ITPRIPL1: variants seen among roughly 807,000 people sequenced by gnomAD.
ITPRIPL1 encodes the protein ITPRIP like 1.
A neutral mutation model predicts 40.0 loss-of-function variants in ITPRIPL1; 28 were observed. The observed-to-expected ratio is 0.70, with a 90% CI of 0.52 to 0.96. ITPRIPL1 has a LOEUF of 0.96. Ranked by LOEUF, ITPRIPL1 falls within the 40% of genes least tolerant of loss-of-function variation. The probability of loss-of-function intolerance (pLI) is 0.00; values close to 1 mark genes in which losing one functional copy is unlikely to be tolerated. For missense variants in ITPRIPL1, 638 were observed against 698.0 expected, an observed-to-expected ratio of 0.91 and a Z score of 0.97; for synonymous variants, 251 against 275.7, an observed-to-expected ratio of 0.91 and a Z score of 0.89.
intron 1 of ITPRIPL1, 36 bp from the exon 2 acceptor site, chr2:96,325,711 A>G: frequency 1.1e-6 from 1 of 931,704 alleles, no homozygotes; most frequent in Non-Finnish European, 1.7e-6. Flanking sequence ...TTCCGATTTG[A>G]GCCAAAGCCC....
downstream of ITPRIPL1, chr2:96,329,264 G>T (rs2104392712): frequency 7.1e-6 from 1 of 141,438 alleles, no homozygotes; most frequent in South Asian, 2.2e-4. Context: ...TTGTTTTTAT[G>T]CATCTGAAAA....
Position 96,327,441 on chromosome 2 carries a change from ATG to A in ITPRIPL1, c.817_818del (p.Cys273GlnfsTer3), listed in dbSNP as rs778855515. 6.2e-7 allele frequency: 1 copy of A among 1,613,976 alleles called. No homozygotes were observed. The highest frequency in any genetic ancestry group is 2.2e-5 in the East Asian group (1 of 44,874). On this transcript the variant is annotated frameshift_variant, in exon 3 of 3. Transcript: ENST00000439118. LOFTEE classifies it high-confidence loss of function. ...RCGCVLVESECVCKREKLLGD... is the reference protein window; with the variant it reads ...RCGCVLVESEXVCKREKLLGD... ...GTGGCTGTGTGCTGGTGGAGTCAGA[ATG>A]TGTGTGCAAGCGTGAGAAACTCCTA... is the stretch of plus-strand genomic sequence containing the variant.
downstream of ITPRIPL1, chr2:96,329,172 T>C (rs1018656834): frequency 7.6e-6 from 1 of 131,872 alleles, no homozygotes; most frequent in Non-Finnish European, 1.7e-5. Flanking sequence ...TATATATATA[T>C]ATATATATAT....
chr2:96,330,199 G>C (rs967863630), downstream of ITPRIPL1: 34 of 135,020 alleles, frequency 2.5e-4, no homozygotes, highest in African/African-American at 8.7e-4. Flanking sequence ...AGCTATGATA[G>C]TGTCACTGTG....
rs1240767983 is a variant in ITPRIPL1, at chr2:96,327,633, C to T, written c.1002C>T (p.Ala334=). Residue 334 remains alanine, a synonymous_variant, in exon 3 of 3, where the codon GCC becomes GCT. Transcript: ENST00000439118. The part of the protein sequence containing the change: ...NMMGNAWALV[A]HKYDFKLSLP... ...TGGGCAATGCCTGGGCCCTTGTGGCCCACAAGTATGACTTTAAACTCAGTC... is the reference window on the plus strand; with the variant it reads ...TGGGCAATGCCTGGGCCCTTGTGGCTCACAAGTATGACTTTAAACTCAGTC... 6.2e-6 allele frequency: 10 copies of T among 1,611,600 alleles called. No individual in the cohort carries two copies. Among genetic ancestry groups the T allele is most frequent in the Non-Finnish European group, 8.5e-6 (10 of 1,179,108 alleles).
intron 2 of ITPRIPL1, 67 bp from the exon 3 acceptor site, chr2:96,326,575 G>A (rs376658705): frequency 6.2e-7 from 1 of 1,603,328 alleles, no homozygotes; most frequent in Non-Finnish European, 8.5e-7. Flanking sequence ...GGGCTCTGGG[G>A]AATGTGAGCT....
Position 96,328,183 on chromosome 2 carries a change from C to A in ITPRIPL1, c.1552C>A (p.Leu518Ile), listed in dbSNP as rs564795534. The change falls in exon 3 of 3, where the codon CTC becomes ATC. Residue 518 changes from leucine (L) to isoleucine (I), a missense_variant. Physicochemically the swap from Leu to Ile is conservative, Grantham distance 5 (BLOSUM62 2). Transcript: ENST00000439118. ...ATTTAGGAATGCTGAGCCGGTCAAT[C>A]TCTTCCAACACCTGGTGCTCAACCC... ...KTFRNAEPVNLFQHLVLNPKA... is the reference protein window; with the variant it reads ...KTFRNAEPVNIFQHLVLNPKA... 1.9e-5 allele frequency: 30 copies of A among 1,614,166 alleles called. No homozygotes were observed. The South Asian group carries it at 3.2e-4, about 17-fold the overall frequency.
Position 96,326,733 on chromosome 2 carries a change from C to T in ITPRIPL1, c.102C>T (p.Asp34=). ...HHPLMVSDRM[D]LDTLARSRQL... ...CTCTGATGGTCAGTGATCGGATGGA[C>T]CTGGACACATTAGCCAGGAGTCGGC... The change falls in exon 3 of 3, where the codon GAC becomes GAT. Residue 34 remains aspartate (D), a synonymous_variant. Coordinates refer to ENST00000439118, the MANE Select transcript of ITPRIPL1 (RefSeq NM_001008949.3). 1 of 1,614,216 alleles carries T rather than the reference C, an allele frequency of 6.2e-7. No homozygotes were observed. Among genetic ancestry groups the T allele is most frequent in the Non-Finnish European group, 8.5e-7 (1 of 1,180,038 alleles).
Position 96,327,640 on chromosome 2 carries a change from T to A in ITPRIPL1, c.1009T>A (p.Tyr337Asn). Residue 337 changes from tyrosine to asparagine, a missense_variant, in exon 3 of 3, where the codon TAT (tyrosine) becomes AAT (asparagine). By Grantham distance (143) the Tyr-to-Asn change is moderately radical. Coordinates refer to ENST00000439118, the MANE Select transcript of ITPRIPL1 (RefSeq NM_001008949.3). ...TGCCTGGGCCCTTGTGGCCCACAAG[T>A]ATGACTTTAAACTCAGTCTCCCACC... is the stretch of plus-strand genomic sequence containing the variant. ...GNAWALVAHK[Y>N]DFKLSLPPST... The A allele has an allele frequency of 6.2e-7, 1 of 1,612,130 alleles. No homozygotes were observed. Among genetic ancestry groups the A allele is most frequent in the Non-Finnish European group, 8.5e-7 (1 of 1,179,366 alleles).
Position 96,327,429 on chromosome 2 carries a change from G to A in ITPRIPL1, c.798G>A (p.Leu266=). The change falls in exon 3 of 3, where the codon CTG becomes CTA. Residue 266 remains leucine, a synonymous_variant. Transcript: ENST00000439118. ...PALGRRCGCV[L]VESECVCKRE... is the part of the protein sequence containing the mutation. The stretch of plus-strand genomic sequence containing the variant: ...TGGGCCGCCGCTGTGGCTGTGTGCT[G>A]GTGGAGTCAGAATGTGTGTGCAAGC... The A allele has an allele frequency of 6.2e-7, 1 of 1,613,980 alleles. No individual in the cohort carries two copies. Among genetic ancestry groups the A allele is most frequent in the South Asian group, 1.1e-5 (1 of 91,046 alleles).
rs149860299 is a variant in ITPRIPL1, at chr2:96,327,455, G to A, written c.824G>A (p.Arg275His). The A allele has an allele frequency of 2.5e-4, 396 of 1,613,900 alleles. No individual in the cohort carries two copies. Among genetic ancestry groups the A allele is most frequent in the Non-Finnish European group, 3.2e-4 (379 of 1,179,988 alleles). Residue 275 changes from arginine (R) to histidine (H), a missense_variant, in exon 3 of 3, where the codon CGT becomes CAT. Physicochemically the swap from Arg to His is conservative, Grantham distance 29. Transcript: ENST00000439118. ...GTGGAGTCAGAATGTGTGTGCAAGC[G>A]TGAGAAACTCCTAGGGGACGTGCTG... ...VLVESECVCKREKLLGDVLCL... is the reference protein window; with the variant it reads ...VLVESECVCKHEKLLGDVLCL...
Position 96,326,987 on chromosome 2 carries a change from G to C in ITPRIPL1, c.356G>C (p.Cys119Ser). The change falls in exon 3 of 3, where the codon TGC becomes TCC. Residue 119 changes from cysteine to serine, a missense_variant. Transcript: ENST00000439118. ...AACCTGTGGAACACTGGCCTCTTTT[G>C]CCTTTTTCTCGTCTTTGAGCTCCTG... ...LGNLWNTGLF[C>S]LFLVFELLRQ... The C allele has an allele frequency of 6.2e-7, 1 of 1,614,196 alleles. No individual in the cohort carries two copies. Among genetic ancestry groups the C allele is most frequent in the Non-Finnish European group, 8.5e-7 (1 of 1,180,038 alleles).
chr2:96,326,058 C>A, intron 2 of ITPRIPL1: 1 of 1,114,112 alleles, frequency 9.0e-7, no homozygotes, highest in Non-Finnish European at 1.3e-6. Context: ...GGCACCGTAG[C>A]AAGCAGCTGG....
chr2:96,325,727 T>C lies in ITPRIPL1; in HGVS notation c.-93-20T>C, dbSNP rs943227356. On this transcript the variant is annotated intron_variant, in intron 1 of 2. Coordinates refer to ENST00000439118, the MANE Select transcript of ITPRIPL1 (RefSeq NM_001008949.3). Reference sequence around the variant, plus strand: ...TCCGATTTGAGCCAAAGCCCCCAGGTACCTTGTACATTTTAACAGGGCTCC... The same window carrying C: ...TCCGATTTGAGCCAAAGCCCCCAGGCACCTTGTACATTTTAACAGGGCTCC... 3.6e-5 allele frequency: 39 copies of C among 1,092,184 alleles called. No homozygotes were observed. In the African/African-American group the frequency reaches 5.9e-4, roughly 16 times the overall value. 67.7% of individuals were successfully genotyped at this position (1,092,184 alleles called of 1,614,324 possible). A position where few individuals can be genotyped will look rare whatever the true frequency, so the allele number is the denominator to read the frequency against.
chr2:96,326,963 A>G lies in ITPRIPL1; in HGVS notation c.332A>G (p.Asn111Ser), dbSNP rs1297123376. 1 of 1,614,136 alleles carries G rather than the reference A, an allele frequency of 6.2e-7. No homozygotes were observed. Among genetic ancestry groups the G allele is most frequent in the Admixed American group, 1.7e-5 (1 of 60,002 alleles). The change falls in exon 3 of 3, where the codon AAC (asparagine) becomes AGC (serine). Residue 111 changes from asparagine (N) to serine (S), a missense_variant. Physicochemically the swap from Asn to Ser is conservative, Grantham distance 46 (BLOSUM62 1). Coordinates refer to ENST00000439118, the MANE Select transcript of ITPRIPL1 (RefSeq NM_001008949.3). ...QEGPLGWMLG[N>S]LWNTGLFCLF... ...GGGCCTCTGGGCTGGATGCTGGGAA[A>G]CCTGTGGAACACTGGCCTCTTTTGC...
chr2:96,325,710 G>T, intron 1 of ITPRIPL1, 37 bp from the exon 2 acceptor site: 1 of 921,232 alleles, frequency 1.1e-6, no homozygotes, highest in Non-Finnish European at 1.8e-6. Context: ...GTTCCGATTT[G>T]AGCCAAAGCC....
In ITPRIPL1 at chr2:96,325,571, T is replaced by A; in HGVS notation, c.-94+6T>A. The stretch of plus-strand genomic sequence containing the variant: ...TGTTCCTACTAACACTGACGGTGAG[T>A]AACCTGGCCCTGGGTCCCGGGAGAC... On this transcript the variant is annotated splice_donor_region_variant and intron_variant, in intron 1 of 2. Transcript: ENST00000439118. 1 of 573,794 alleles carries A rather than the reference T, an allele frequency of 1.7e-6. No homozygotes were observed. Among genetic ancestry groups the A allele is most frequent in the Non-Finnish European group, 3.1e-6 (1 of 320,156 alleles). 35.5% of individuals were successfully genotyped at this position (573,794 alleles called of 1,614,324 possible). A position where few individuals can be genotyped will look rare whatever the true frequency, so the allele number is the denominator to read the frequency against.
downstream of ITPRIPL1, chr2:96,328,545 T>A (rs2064138907): frequency 9.4e-6 from 4 of 426,296 alleles, no homozygotes; most frequent in Non-Finnish European, 1.7e-5. Context: ...CCAAAGAAGG[T>A]CCAGGGAAAC....
In ITPRIPL1 at chr2:96,328,068, G is replaced by A. The variant is rs139868171; in HGVS notation, c.1437G>A (p.Trp479Ter). 1.3e-4 allele frequency: 209 copies of A among 1,614,172 alleles called. No homozygotes were observed. The highest frequency in any genetic ancestry group is 6.6e-4 in the Middle Eastern group (4 of 6,062). ...CTCAGCGGCTCCAGGACATTCTCTG[G>A]TTCTTGGGCCGTGGCCTCCAGCAAA... Reference protein sequence around the residue: ...MLSQRLQDILWFLGRGLQQRS... With the variant: ...MLSQRLQDIL The change falls in exon 3 of 3, where the codon TGG becomes TGA. Residue 479 changes from tryptophan (W) to a stop codon, truncating the protein, a stop_gained. Transcript: ENST00000439118. LOFTEE classifies it high-confidence loss of function.
Sources: allele counts gnomAD v4.1 joint callset, GRCh38; gene constraint gnomAD v4.1.1; transcripts MANE v1.5; gene names NCBI Gene and HGNC (gene_info 2026-07-23, HGNC 2026-07-21).